Variants in CA10 observed in about 807,000 individuals in gnomAD.
The protein encoded by CA10 is carbonic anhydrase-related protein 10.
A neutral mutation model predicts 44.2 loss-of-function variants in CA10; 14 were observed. That is an observed-to-expected ratio of 0.32 (90% CI 0.21 to 0.50). The LOEUF is 0.50. Ranked by LOEUF, CA10 falls within the 20% of genes least tolerant of loss-of-function variation. CA10 has a pLI of 0.99. For synonymous variants in CA10, 159 were observed against 141.6 expected (o/e 1.12, Z -0.87); for missense variants, 350 against 409.7 (o/e 0.85, Z 1.26).
At chr17:51,651,710 G>C (rs1020152324) in intron 5 of CA10, among the ~76,000 whole-genome samples, 1 of 152,208 alleles carries the variant, frequency 6.6e-6, no homozygotes, top group Non-Finnish European at 1.5e-5. Flanking sequence ...CACTCTGTCA[G>C]CTGTCATGTG....
intron 3 of CA10, among the ~76,000 whole-genome samples, chr17:51,800,445 A>G (rs967382674): frequency 1.3e-5 from 2 of 151,960 alleles, no homozygotes; most frequent in African/African-American, 2.4e-5. Context: ...GTGGATGTAC[A>G]AAAAAAACAT....
intron 1 of CA10, among the ~76,000 whole-genome samples, chr17:52,150,617 G>T (rs1193413850): frequency 6.6e-6 from 1 of 152,140 alleles, no homozygotes; most frequent in Non-Finnish European, 1.5e-5. Context: ...GGTATATTCT[G>T]TTAAGTGAAT....
At chr17:51,924,334 C>T (rs561611061) in intron 3 of CA10, among the ~76,000 whole-genome samples, 146 of 152,148 alleles carry the variant, frequency 9.6e-4, no homozygotes, top group Non-Finnish European at 1.8e-3. Flanking sequence ...AAGGTATGTA[C>T]GAAGTATAAT....
At chr17:52,089,776 T>TATGC (rs750067265) in intron 1 of CA10, among the ~76,000 whole-genome samples, 9 of 152,102 alleles carry the variant, frequency 5.9e-5, no homozygotes, top group South Asian at 2.1e-4. Context: ...CTATAAATTT[T>TATGC]ATGCATGCAT....
At chr17:52,155,846 T>G (rs937883896) in intron 1 of CA10, among the ~76,000 whole-genome samples, 2 of 152,240 alleles carry the variant, frequency 1.3e-5, no homozygotes, top group Non-Finnish European at 2.9e-5. Flanking sequence ...TCCATAGCAC[T>G]CCTCCTGAGT....
intron 4 of CA10, among the ~76,000 whole-genome samples, chr17:51,719,773 CA>C (rs1284387888): frequency 2.6e-5 from 4 of 152,062 alleles, no homozygotes; most frequent in African/African-American, 9.7e-5. Context: ...CCTGTAATCC[CA>C]GCTACTCAGG....
intron 2 of CA10, among the ~76,000 whole-genome samples, chr17:52,053,324 C>G (rs1241671146): frequency 1.3e-5 from 2 of 151,702 alleles, no homozygotes; most frequent in African/African-American, 2.4e-5. Context: ...AAAACAGGAA[C>G]AAATAGATAA....
At chr17:51,772,840 T>G (rs1395864288) in intron 3 of CA10, among the ~76,000 whole-genome samples, 1 of 152,210 alleles carries the variant, frequency 6.6e-6, no homozygotes, top group Admixed American at 6.5e-5. Flanking sequence ...ACTTTTACTC[T>G]AAAACCCATG....
At chr17:51,700,444 C>T (rs967160143) in intron 4 of CA10, among the ~76,000 whole-genome samples, 1 of 152,202 alleles carries the variant, frequency 6.6e-6, no homozygotes, top group African/African-American at 2.4e-5. Flanking sequence ...CCTCCGTTTG[C>T]TCATGCTCTG....
At chr17:51,666,078 T>C (rs1914194568) in intron 4 of CA10, among the ~76,000 whole-genome samples, 1 of 152,208 alleles carries the variant, frequency 6.6e-6, no homozygotes, top group African/African-American at 2.4e-5. Context: ...TCAAACCAAA[T>C]CCAAACAAAA....
chr17:52,072,789 C>A (rs562045656), intron 1 of CA10, among the ~76,000 whole-genome samples: 8 of 151,676 alleles, frequency 5.3e-5, no homozygotes, highest in African/African-American at 1.9e-4. Flanking sequence ...TCCATGGAAC[C>A]CTTGTTTTGG....
At chr17:51,944,056 A>G (rs1193242657) in intron 2 of CA10, among the ~76,000 whole-genome samples, 1 of 152,162 alleles carries the variant, frequency 6.6e-6, no homozygotes, top group Non-Finnish European at 1.5e-5. Context: ...TTCGTCCACC[A>G]AACAACCTTT....
rs969746807 is a variant in CA10, at chr17:51,631,673, T to C, written c.965-67A>G. The C allele has an allele frequency of 9.6e-6, 13 of 1,349,722 alleles. No individual in the cohort carries two copies. The African/African-American group carries it at 1.2e-4, about 12-fold the overall frequency. The allele number at this position is 1,349,722 out of a possible 1,614,324, so 83.6% of individuals were successfully genotyped here. ...ATAAAACGAGGCATACTCAATTAAT[T>C]TGCACACAGTTTTAGAGAATTCCTC... On this transcript the variant is annotated intron_variant, in intron 8 of 8. Transcript: ENST00000451037.
intron 4 of CA10, among the ~76,000 whole-genome samples, chr17:51,722,386 G>T (rs1321890398): frequency 6.6e-6 from 1 of 152,150 alleles, no homozygotes; most frequent in Non-Finnish European, 1.5e-5. Context: ...AAATTTGTAG[G>T]TGTGTGTGAC....
chr17:52,030,516 C>T (rs1263151476), intron 2 of CA10, among the ~76,000 whole-genome samples: 2 of 152,174 alleles, frequency 1.3e-5, no homozygotes, highest in African/African-American at 4.8e-5. Flanking sequence ...TCCATCTCTG[C>T]TCTAAATATG....
chr17:51,715,491 T>TTGA (rs1298627420), intron 4 of CA10, among the ~76,000 whole-genome samples: 1 of 152,210 alleles, frequency 6.6e-6, no homozygotes, highest in Non-Finnish European at 1.5e-5. Flanking sequence ...ATGAGATGTG[T>TTGA]TGATACAGGC....
In CA10 at chr17:52,017,875, G is replaced by A. The variant is rs565935655; in HGVS notation, c.136+54444C>T. Among the ~76,000 whole-genome samples, 32 of 152,252 alleles carry A rather than the reference G, an allele frequency of 2.1e-4. No homozygotes were observed. In the East Asian group the frequency reaches 3.5e-3, roughly 17 times the overall value. On this transcript the variant is annotated intron_variant, in intron 2 of 8. Transcript: ENST00000451037. ...CAGGTCTCCCACCACAGGCCCAGAG[G>A]CTTGGAAAGGAAGAATGGTTTCATG...
intron 2 of CA10, among the ~76,000 whole-genome samples, chr17:51,945,771 A>C (rs1378053563): frequency 6.6e-6 from 1 of 152,092 alleles, no homozygotes; most frequent in African/African-American, 2.4e-5. Context: ...CAGGTAGGCT[A>C]TTTCCATTTC....
intron 3 of CA10, among the ~76,000 whole-genome samples, chr17:51,923,375 G>C (rs763526818): frequency 1.2e-4 from 19 of 152,010 alleles, no homozygotes; most frequent in Non-Finnish European, 2.5e-4. Context: ...CTTCCATAAA[G>C]TCTTGTTTGA....
Sources: gnomAD v4.1 joint callset for allele counts (sites outside exome capture counted in the v4.1 genomes callset) on GRCh38, gnomAD v4.1.1 for gene constraint, MANE v1.5 for transcripts, NCBI Gene and HGNC (gene_info 2026-07-23, HGNC 2026-07-21) for gene names.